The following MBNL3 variants were observed in gnomAD, a reference collection of about 807,000 sequenced individuals.
MBNL3 encodes muscleblind-like protein 3.
Under a neutral mutation model 24.5 loss-of-function variants are expected in MBNL3, and 6 were observed. That is an observed-to-expected ratio of 0.25 (90% confidence interval 0.13 to 0.48). The LOEUF (loss-of-function observed/expected upper bound fraction) is 0.48, where lower values mean the gene tolerates loss of function less well. Among genes scored for constraint, MBNL3 ranks in the 20% least tolerant of loss-of-function variants. MBNL3 has a pLI of 0.99. For synonymous variants in MBNL3, 100 were observed against 101.7 expected (o/e 0.98, Z 0.10); for missense variants, 230 against 293.5 (o/e 0.78, Z 1.58).
intron 2 of MBNL3, among the ~76,000 whole-genome samples, chrX:132,410,285 T>G (rs1942543279): frequency 9.0e-6 from 1 of 111,580 alleles, no homozygotes; most frequent in Non-Finnish European, 1.9e-5. Flanking sequence ...AGAGTCAGAG[T>G]CTGTCACAAG....
At chrX:132,396,477 C>CATATATATTCCT (rs1443061377) in intron 3 of MBNL3, among the ~76,000 whole-genome samples, 1 of 63,254 alleles carries the variant, frequency 1.6e-5, no homozygotes, top group Non-Finnish European at 2.8e-5. Flanking sequence ...TATATATATT[C>CATATATATTCCT]ATATATATTC....
Position 132,372,509 on chromosome X carries a change from A to G in MBNL3, c.*7157T>C, listed in dbSNP as rs990754538. On this transcript the variant is annotated 3_prime_UTR_variant, in exon 9 of 9. Transcript: ENST00000370853. ...AATATTAAAATAATATTAAAATATT[A>G]ATAAATAAGTTTATTTTGAAAAGGG... 9.2e-6 allele frequency: 1 copy of G among 108,314 alleles called. No homozygotes were observed. The highest frequency in any genetic ancestry group is 3.3e-5 in the African/African-American group (1 of 30,257). 8.9% of individuals were successfully genotyped at this position (108,314 alleles called of 1,213,427 possible). A position where few individuals can be genotyped will look rare whatever the true frequency, so the allele number is the denominator to read the frequency against.
At chrX:132,421,103 C>A (rs1024989233) in intron 2 of MBNL3, among the ~76,000 whole-genome samples, 3 of 111,799 alleles carry the variant, frequency 2.7e-5, no homozygotes, top group African/African-American at 9.7e-5. Context: ...ATCGTGTTAA[C>A]TTCTCTAGAA....
In MBNL3 at chrX:132,375,989, G is replaced by A. The variant is rs967773100; in HGVS notation, c.*3677C>T. ...AGATACCACTATGCTTATTGGTAAT[G>A]CTACTTAAAACAGATTCAAGTTGCA... On this transcript the variant is annotated 3_prime_UTR_variant, in exon 9 of 9. Coordinates refer to ENST00000370853, the MANE Select transcript of MBNL3 (RefSeq NM_001386889.1). 2 of 111,843 alleles carry A rather than the reference G, an allele frequency of 1.8e-5. No homozygotes were observed. Among genetic ancestry groups the A allele is most frequent in the Non-Finnish European group, 3.8e-5 (2 of 53,007 alleles). The allele number at this position is 111,843 out of a possible 1,213,427, so 9.2% of individuals were successfully genotyped here.
At chrX:132,447,161 G>C (rs1424879537) in intron 1 of MBNL3, among the ~76,000 whole-genome samples, 1 of 111,796 alleles carries the variant, frequency 8.9e-6, no homozygotes, top group Non-Finnish European at 1.9e-5. Flanking sequence ...CTGTAACCTT[G>C]TAGTATAGTT....
rs1191402525 is a variant in MBNL3 at position 132,369,656 on chromosome X, A to G, written c.*10010T>C. ...CCCTCAAGTCCAGTTTTTAATGAAC[A>G]GGCTGTTTGCTTTAGCAGGTGCTGT... On this transcript the variant is annotated 3_prime_UTR_variant, in exon 9 of 9. Transcript: ENST00000370853. 1 of 112,126 alleles carries G rather than the reference A, an allele frequency of 8.9e-6. No homozygotes were observed. Among genetic ancestry groups the G allele is most frequent in the East Asian group, 2.8e-4 (1 of 3,585 alleles). 9.2% of individuals were successfully genotyped at this position (112,126 alleles called of 1,213,427 possible).
At chrX:132,457,894 C>T (rs1946450239) in intron 1 of MBNL3, among the ~76,000 whole-genome samples, 1 of 111,511 alleles carries the variant, frequency 9.0e-6, no homozygotes, top group South Asian at 3.7e-4. Context: ...ACGGAAACAA[C>T]ACAACTCATG....
intron 3 of MBNL3, among the ~76,000 whole-genome samples, chrX:132,397,884 G>T (rs1450750682): frequency 9.0e-6 from 1 of 111,057 alleles, no homozygotes; most frequent in Non-Finnish European, 1.9e-5. Flanking sequence ...AATGCAGGCT[G>T]CAGGAGACCC....
intron 2 of MBNL3, among the ~76,000 whole-genome samples, chrX:132,421,418 T>C (rs1943804058): frequency 9.0e-6 from 1 of 111,533 alleles, no homozygotes; most frequent in Non-Finnish European, 1.9e-5. Flanking sequence ...CGTATAATGT[T>C]AGGAAACTGA....
At chrX:132,435,198 A>G (rs926788343) in intron 2 of MBNL3, among the ~76,000 whole-genome samples, 1 of 111,576 alleles carries the variant, frequency 9.0e-6, no homozygotes, top group Non-Finnish European at 1.9e-5. Flanking sequence ...TTGTAATTCT[A>G]TTTTCCTTTC....
intron 1 of MBNL3, among the ~76,000 whole-genome samples, chrX:132,467,409 G>A (rs1459486811): frequency 8.9e-6 from 1 of 112,117 alleles, no homozygotes; most frequent in African/African-American, 3.2e-5. Context: ...TTGTTGGTAA[G>A]TTTGTAAACC....
chrX:132,438,860 A>G (rs1017692541), intron 2 of MBNL3, among the ~76,000 whole-genome samples: 2 of 107,697 alleles, frequency 1.9e-5, no homozygotes, highest in African/African-American at 6.8e-5. Flanking sequence ...AAGTGAACCT[A>G]GTTTTGTAGC....
intron 2 of MBNL3, among the ~76,000 whole-genome samples, chrX:132,433,125 T>C (rs1027110921): frequency 8.9e-6 from 1 of 111,991 alleles, no homozygotes; most frequent in African/African-American, 3.3e-5. Context: ...ATGTATGGAA[T>C]GTCTCCACCC....
rs1223019163 is a variant in MBNL3, at chrX:132,392,277, A to G, written c.400T>C (p.Tyr134His). Residue 134 changes from tyrosine to histidine, a missense_variant, in exon 4 of 9, where the codon TAC becomes CAC. By Grantham distance (83) the Tyr-to-His change is moderately conservative. Transcript: ENST00000370853. ...AGGCCCATCCCAGGATGTGGTATGT[A>G]AGGATTGAAAGCCATGGGAGGATTA... Reference protein sequence around the residue: ...PANPPMAFNPYIPHPGMGLVP... With the variant: ...PANPPMAFNPHIPHPGMGLVP... 8.3e-7 allele frequency: 1 copy of G among 1,207,881 alleles called. No homozygotes were observed. Among genetic ancestry groups the G allele is most frequent in the Non-Finnish European group, 1.1e-6 (1 of 894,134 alleles).
chrX:132,381,422 A>G, intron 8 of MBNL3: 1 of 1,157,511 alleles, frequency 8.6e-7, no homozygotes. Flanking sequence ...ATCTATTGAT[A>G]ATTGGGGTAT....
At chrX:132,418,905 C>T (rs1023511385) in intron 2 of MBNL3, among the ~76,000 whole-genome samples, 1 of 112,271 alleles carries the variant, frequency 8.9e-6, no homozygotes, top group Admixed American at 9.4e-5. Flanking sequence ...TCCCGAGTAG[C>T]TGGGACTACA....
At chrX:132,472,393 G>A (rs758179416) in intron 1 of MBNL3, among the ~76,000 whole-genome samples, 3 of 111,827 alleles carry the variant, frequency 2.7e-5, no homozygotes, top group Non-Finnish European at 5.6e-5. Flanking sequence ...AATACCTCTC[G>A]AAGATCACAA....
chrX:132,410,992 T>C, intron 2 of MBNL3, among the ~76,000 whole-genome samples: 1 of 112,572 alleles, frequency 8.9e-6, no homozygotes, highest in Non-Finnish European at 1.9e-5. Context: ...TTGATATAGA[T>C]GCACAAAGAG....
chrX:132,392,457 C>A, intron 3 of MBNL3, 123 bp from the exon 4 acceptor site: 1 of 581,473 alleles, frequency 1.7e-6, no homozygotes, highest in Non-Finnish European at 2.5e-6. Context: ...CTATTGTTTT[C>A]TTCTGATTTA....
Sources: gnomAD v4.1 joint callset for allele counts (sites outside exome capture counted in the v4.1 genomes callset) on GRCh38, gnomAD v4.1.1 for gene constraint, MANE v1.5 for transcripts, NCBI Gene and HGNC (gene_info 2026-07-23, HGNC 2026-07-21) for gene names.